Variants in MACROD1 observed in about 807,000 individuals in gnomAD.
MACROD1 encodes the protein mono-ADP ribosylhydrolase 1.
A neutral mutation model predicts 41.4 loss-of-function variants in MACROD1; 31 were observed. The ratio of observed to expected loss-of-function variants is 0.75; its 90% confidence interval spans 0.56 to 1.01. MACROD1 has a LOEUF of 1.01. Among genes scored for constraint, MACROD1 ranks in the 50% least tolerant of loss-of-function variants. The pLI is 0.00. For missense variants in MACROD1, 473 were observed against 460.0 expected (o/e 1.03, Z -0.26); for synonymous variants, 252 against 203.4 (o/e 1.24, Z -2.03).
chr11:64,045,183 C>G (rs1185474813), intron 3 of MACROD1, among the ~76,000 whole-genome samples: 23 of 151,952 alleles, frequency 1.5e-4, no homozygotes, highest in Admixed American at 1.5e-3. Context: ...AGCAGGTGGC[C>G]CAGCTGGGCC....
chr11:64,129,789 G>C (rs930743428), intron 3 of MACROD1, among the ~76,000 whole-genome samples: 1 of 152,204 alleles, frequency 6.6e-6, no homozygotes, highest in Non-Finnish European at 1.5e-5. Context: ...GGTGGGTGTG[G>C]GGGACATCTC....
At chr11:64,125,486 A>G (rs1044720419) in intron 3 of MACROD1, among the ~76,000 whole-genome samples, 1 of 152,054 alleles carries the variant, frequency 6.6e-6, no homozygotes, top group Non-Finnish European at 1.5e-5. Flanking sequence ...CTTCCTCCCC[A>G]GTTGCCATCT....
intron 3 of MACROD1, among the ~76,000 whole-genome samples, chr11:64,042,044 C>T (rs556392798): frequency 1.3e-5 from 2 of 152,164 alleles, no homozygotes; most frequent in Non-Finnish European, 2.9e-5. Flanking sequence ...TCTCGGGCAG[C>T]GGCCATGGTG....
chr11:64,060,499 T>A (rs1943878782), intron 3 of MACROD1: 3 of 152,220 alleles, frequency 2.0e-5, no homozygotes, highest in African/African-American at 7.2e-5. Flanking sequence ...CACAGATGCC[T>A]GGCGGCTCCG....
chr11:64,117,467 C>T, intron 3 of MACROD1: 4 of 1,613,004 alleles, frequency 2.5e-6, no homozygotes, highest in Non-Finnish European at 3.4e-6. Context: ...GCAACCACGC[C>T]TCTGCCACCA....
chr11:64,121,658 C>T (rs1349271702), intron 3 of MACROD1, among the ~76,000 whole-genome samples: 1 of 152,224 alleles, frequency 6.6e-6, no homozygotes, highest in Non-Finnish European at 1.5e-5. Flanking sequence ...ACACCTCAGA[C>T]ATGCGTGAGG....
intron 3 of MACROD1, chr11:64,118,259 C>T (rs1392761485): frequency 1.7e-5 from 27 of 1,595,104 alleles, no homozygotes; most frequent in South Asian, 5.6e-5. Context: ...ACCGGGACGG[C>T]GGCATCCCCG....
At chr11:64,115,013 T>C (rs1308564620) in intron 3 of MACROD1, among the ~76,000 whole-genome samples, 1 of 152,088 alleles carries the variant, frequency 6.6e-6, no homozygotes, top group African/African-American at 2.4e-5. Context: ...GAAAATAAGG[T>C]CCCTGCTGGC....
intron 1 of MACROD1, among the ~76,000 whole-genome samples, chr11:64,159,656 T>A (rs1183018129): frequency 4.0e-5 from 6 of 151,868 alleles, no homozygotes; most frequent in Non-Finnish European, 1.5e-5. Context: ...TAGCCGGGCA[T>A]GGGGGCGCAT....
intron 3 of MACROD1, among the ~76,000 whole-genome samples, chr11:64,087,687 T>C (rs1444356557): frequency 6.6e-6 from 1 of 152,246 alleles, no homozygotes; most frequent in African/African-American, 2.4e-5. Context: ...TCTCCTGTGA[T>C]GATCTCATGA....
intron 3 of MACROD1, among the ~76,000 whole-genome samples, chr11:64,049,877 C>G (rs2134409155): frequency 6.6e-6 from 1 of 152,368 alleles, no homozygotes; most frequent in South Asian, 2.1e-4. Context: ...TCCCCCAGCT[C>G]TGTTCTAGAA....
chr11:64,029,506 C>G (rs1393715833), intron 3 of MACROD1, among the ~76,000 whole-genome samples: 1 of 152,132 alleles, frequency 6.6e-6, no homozygotes, highest in Non-Finnish European at 1.5e-5. Flanking sequence ...CAGGCCCTAC[C>G]TCTCGCTCCC....
chr11:64,070,603 C>T (rs1944090262), intron 3 of MACROD1, among the ~76,000 whole-genome samples: 1 of 152,202 alleles, frequency 6.6e-6, no homozygotes, highest in Non-Finnish European at 1.5e-5. Context: ...GGAGGGGCCC[C>T]CTTCCCAGAG....
intron 4 of MACROD1, among the ~76,000 whole-genome samples, chr11:64,002,829 C>T (rs1186201771): frequency 6.6e-6 from 1 of 152,020 alleles, no homozygotes; most frequent in Non-Finnish European, 1.5e-5. Flanking sequence ...GGGGAGATGC[C>T]CTTCCTTCCC....
chr11:64,089,241 G>C (rs893191540), intron 3 of MACROD1, among the ~76,000 whole-genome samples: 1 of 152,184 alleles, frequency 6.6e-6, no homozygotes, highest in Non-Finnish European at 1.5e-5. Context: ...TGAGGGCCCC[G>C]GGCTCTGGGT....
At chr11:64,138,650 G>GT (rs1225840604) in intron 3 of MACROD1, 2 of 633,108 alleles carry the variant, frequency 3.2e-6, no homozygotes, top group African/African-American at 4.0e-5. Context: ...CTCGGCTCTG[G>GT]TTTTTACCGC....
chr11:64,140,799 G>A (rs1356900283), intron 3 of MACROD1, among the ~76,000 whole-genome samples: 2 of 152,218 alleles, frequency 1.3e-5, no homozygotes, highest in African/African-American at 2.4e-5. Context: ...GGTACACGGT[G>A]AAGCCAGGAC....
intron 1 of MACROD1, among the ~76,000 whole-genome samples, chr11:64,157,241 C>T (rs1383477201): frequency 6.6e-6 from 1 of 152,110 alleles, no homozygotes; most frequent in Non-Finnish European, 1.5e-5. Flanking sequence ...TACAGGCATG[C>T]ACCACCACAC....
chr11:64,082,425 G>A lies in MACROD1; in HGVS notation c.518-67144C>T, dbSNP rs1402644937. Among the ~76,000 whole-genome samples the A allele has an allele frequency of 1.3e-5, 2 of 152,054 alleles. No individual in the cohort carries two copies. Among genetic ancestry groups the A allele is most frequent in the East Asian group, 1.9e-4 (1 of 5,164 alleles). On this transcript the variant is annotated intron_variant, in intron 3 of 10. Coordinates refer to ENST00000255681, the MANE Select transcript of MACROD1 (RefSeq NM_014067.4). This position sits in a 1 kb window ranked among gnomAD's most constrained non-coding sequence, Gnocchi z 4.5. ...CTGAAGTGGGGGCGTCCTAAGGTGA[G>A]GGGCAGGCAGGTGAGGGGCTTGAGG...
Sources: allele counts gnomAD v4.1 joint callset (sites outside exome capture counted in the v4.1 genomes callset), GRCh38; gene constraint gnomAD v4.1.1; non-coding constraint Gnocchi (gnomAD v3.1); transcripts MANE v1.5; gene names NCBI Gene and HGNC (gene_info 2026-07-23, HGNC 2026-07-21).